Variants in FHIT observed in about 807,000 individuals in gnomAD.
The protein encoded by FHIT is bis(5'-adenosyl)-triphosphatase.
In FHIT, 19 loss-of-function variants were observed where a neutral mutation model predicts 17.9. The observed-to-expected ratio is 1.06, with a 90% CI of 0.74 to 1.56. FHIT has a LOEUF of 1.56. FHIT is among the 40% of genes most tolerant of loss of function. The probability of loss-of-function intolerance (pLI) is 0.00; values close to 1 mark genes in which losing one functional copy is unlikely to be tolerated. For synonymous variants in FHIT, 81 were observed against 69.7 expected, an observed-to-expected ratio of 1.16 and a Z score of -0.81; for missense variants, 248 against 189.2, an observed-to-expected ratio of 1.31 and a Z score of -1.82.
chr3:61,021,853 G>A (rs952571771), intron 3 of FHIT, among the ~76,000 whole-genome samples: 1 of 152,146 alleles, frequency 6.6e-6, no homozygotes, highest in Non-Finnish European at 1.5e-5. Flanking sequence ...GCAGTATTTA[G>A]AGGGAAATGT....
At chr3:60,727,675 T>C (rs1553709943) in intron 4 of FHIT, among the ~76,000 whole-genome samples, 1 of 152,234 alleles carries the variant, frequency 6.6e-6, no homozygotes, top group Admixed American at 6.5e-5. Context: ...AATTAAAACT[T>C]GGATAAAATC....
chr3:60,279,560 T>C (rs1707329848), intron 5 of FHIT, among the ~76,000 whole-genome samples: 1 of 152,152 alleles, frequency 6.6e-6, no homozygotes. Flanking sequence ...GTCATTATGT[T>C]ATACCAGCAT....
At chr3:59,780,606 A>G (rs1485717) in intron 8 of FHIT, among the ~76,000 whole-genome samples, 51,428 of 152,006 alleles carry the variant, frequency 0.34, 9,139 homozygotes, top group South Asian at 0.57. Flanking sequence ...GGGCCTTCGC[A>G]GAGGTGATTA....
intron 5 of FHIT, among the ~76,000 whole-genome samples, chr3:60,276,975 C>G (rs1004599405): frequency 6.6e-6 from 1 of 152,036 alleles, no homozygotes; most frequent in African/African-American, 2.4e-5. Flanking sequence ...GCCACTCAAC[C>G]AACAATGGGG....
intron 5 of FHIT, among the ~76,000 whole-genome samples, chr3:60,354,530 T>C (rs544677738): frequency 6.6e-6 from 1 of 152,136 alleles, no homozygotes; most frequent in African/African-American, 2.4e-5. Context: ...AAGAATTCAA[T>C]GCCAGTTAAG....
intron 5 of FHIT, among the ~76,000 whole-genome samples, chr3:60,023,912 T>G (rs1700643124): frequency 6.6e-6 from 1 of 152,022 alleles, no homozygotes; most frequent in Non-Finnish European, 1.5e-5. Context: ...CCCCAAACTG[T>G]GGGTTCTTAA....
intron 5 of FHIT, among the ~76,000 whole-genome samples, chr3:60,442,670 C>G (rs1472685913): frequency 6.6e-5 from 10 of 152,156 alleles, no homozygotes; most frequent in Non-Finnish European, 1.2e-4. Flanking sequence ...GTTTTGGTTA[C>G]TGTAGCCTTG....
chr3:60,423,921 A>T (rs1289043209), intron 5 of FHIT, among the ~76,000 whole-genome samples: 4 of 152,134 alleles, frequency 2.6e-5, no homozygotes, highest in African/African-American at 9.7e-5. Flanking sequence ...TTCTTTCCCA[A>T]AAGTAATACA....
chr3:60,284,754 C>A (rs1281386597), intron 5 of FHIT, among the ~76,000 whole-genome samples: 1 of 151,926 alleles, frequency 6.6e-6, no homozygotes, highest in African/African-American at 2.4e-5. Context: ...GTCAATATGA[C>A]CCTGGTTAAC....
intron 7 of FHIT, among the ~76,000 whole-genome samples, chr3:59,956,671 T>TA (rs953627520): frequency 7.9e-5 from 12 of 151,378 alleles, no homozygotes; most frequent in Admixed American, 2.0e-4. Flanking sequence ...TCTCCAAAAA[T>TA]AAAAAAAAGA....
intron 8 of FHIT, among the ~76,000 whole-genome samples, chr3:59,766,362 T>C (rs75019619): frequency 0.01 from 1,572 of 152,272 alleles, 16 homozygotes; most frequent in South Asian, 0.038. Context: ...AGTTGCAACA[T>C]AGTAGCATTT....
intron 4 of FHIT, among the ~76,000 whole-genome samples, chr3:60,689,048 G>T (rs1411911135): frequency 6.6e-6 from 1 of 152,086 alleles, no homozygotes; most frequent in African/African-American, 2.4e-5. Context: ...GAATCATGGG[G>T]GGTGGGTCTT....
At chr3:60,227,099 T>C (rs2107545129) in intron 5 of FHIT, among the ~76,000 whole-genome samples, 1 of 152,196 alleles carries the variant, frequency 6.6e-6, no homozygotes, top group East Asian at 1.9e-4. Context: ...AAAGTAAGCT[T>C]TCTTCCTGGC....
chr3:61,108,978 T>A (rs2036074211), intron 2 of FHIT, among the ~76,000 whole-genome samples: 1 of 152,194 alleles, frequency 6.6e-6, no homozygotes, highest in Admixed American at 6.5e-5. Flanking sequence ...CTATGTGCCA[T>A]CATAGAGTGC....
intron 8 of FHIT, among the ~76,000 whole-genome samples, chr3:59,887,568 T>G (rs1164663295): frequency 1.3e-5 from 2 of 152,156 alleles, no homozygotes; most frequent in African/African-American, 2.4e-5. Flanking sequence ...CATAAAAACT[T>G]GAAGCTCCAG....
At chr3:60,282,610 A>C (rs1707513926) in intron 5 of FHIT, among the ~76,000 whole-genome samples, 1 of 152,140 alleles carries the variant, frequency 6.6e-6, no homozygotes, top group Admixed American at 6.5e-5. Context: ...CATTAACTTC[A>C]GTAATAAATG....
At chr3:60,033,435 G>A (rs538863058) in intron 5 of FHIT, among the ~76,000 whole-genome samples, 4 of 151,690 alleles carry the variant, frequency 2.6e-5, no homozygotes, top group East Asian at 3.9e-4. Context: ...CAGAGGCTGC[G>A]GTGAGCCAAG....
At chr3:61,204,783 T>C (rs1185158928) in intron 1 of FHIT, among the ~76,000 whole-genome samples, 1 of 152,132 alleles carries the variant, frequency 6.6e-6, no homozygotes, top group Admixed American at 6.5e-5. Flanking sequence ...ATGACGAAAG[T>C]TAGCAATAAT....
At chr3:60,956,278 G>C (rs1338477647) in intron 3 of FHIT, among the ~76,000 whole-genome samples, 2 of 152,142 alleles carry the variant, frequency 1.3e-5, no homozygotes, top group Non-Finnish European at 2.9e-5. Flanking sequence ...TCAAGTAAAA[G>C]GATTCTGGAT....
Sources: allele counts gnomAD v4.1 joint callset (sites outside exome capture counted in the v4.1 genomes callset), GRCh38; gene constraint gnomAD v4.1.1; transcripts MANE v1.5; gene names NCBI Gene and HGNC (gene_info 2026-07-23, HGNC 2026-07-21).